PIK3C2G: variants seen among roughly 807,000 people sequenced by gnomAD.
The protein encoded by PIK3C2G is phosphatidylinositol-4-phosphate 3-kinase catalytic subunit type 2 gamma, also known as phosphatidylinositol 3-kinase C2 domain-containing subunit gamma.
PIK3C2G carries 168 observed loss-of-function variants against 181.1 expected under a neutral mutation model. The observed-to-expected ratio is 0.93, with a 90% CI of 0.82 to 1.05. PIK3C2G has a LOEUF of 1.05. Among genes scored for constraint, PIK3C2G ranks in the 50% least tolerant of loss-of-function variants. The probability of loss-of-function intolerance (pLI) is 0.00; values close to 1 mark genes in which losing one functional copy is unlikely to be tolerated. For missense variants in PIK3C2G, 1,869 were observed against 1,732.8 expected, an observed-to-expected ratio of 1.08 and a Z score of -1.40; for synonymous variants, 573 against 592.2, an observed-to-expected ratio of 0.97 and a Z score of 0.47.
At chr12:18,679,919 A>T in the PIK3C2G span, among the ~76,000 whole-genome samples, 5 of 152,014 alleles carry the variant, frequency 3.3e-5, no homozygotes, top group Admixed American at 3.3e-4. Flanking sequence ...ATCAGTTCAA[A>T]TCCACTTCAA....
At position 18,401,763 on chromosome 12, in the gene PIK3C2G, G is replaced by T. The variant is rs371024163; in HGVS notation, c.2315+1916G>T. On this transcript the variant is annotated intron_variant, in intron 16 of 32. Coordinates refer to ENST00000538779, the MANE Select transcript of PIK3C2G (RefSeq NM_001288772.2). The stretch of plus-strand genomic sequence containing the variant: ...ATGCCGAACATTTACATGAAAATAT[G>T]CTCAATATCATTAGCCATTAAGGAA... Among the ~76,000 whole-genome samples the T allele has an allele frequency of 5.3e-5, 8 of 152,192 alleles. No homozygotes were observed. In the South Asian group the frequency reaches 1.7e-3, roughly 32 times the overall value.
intron 1 of PIK3C2G, among the ~76,000 whole-genome samples, chr12:18,251,004 T>A (rs1434832389): frequency 6.6e-6 from 1 of 151,968 alleles, no homozygotes; most frequent in Non-Finnish European, 1.5e-5. Flanking sequence ...ATTTAATAAG[T>A]GTATGGGGAA....
At chr12:18,667,969 C>T in the PIK3C2G span, among the ~76,000 whole-genome samples, 1 of 151,736 alleles carries the variant, frequency 6.6e-6, no homozygotes, top group Non-Finnish European at 1.5e-5. Context: ...GGAGAAGCAA[C>T]AACAACAAAA....
In PIK3C2G at chr12:18,483,657, G is replaced by T. The variant is rs149404382; in HGVS notation, c.2505-4792G>T. On this transcript the variant is annotated intron_variant, in intron 18 of 32. Transcript: ENST00000538779. ...TTGTTTATTTTCAGTAATTAGATTT[G>T]CCCCAAAATATCCTCAGGGATACCC... Among the ~76,000 whole-genome samples, 167 of 150,912 alleles carry T rather than the reference G, an allele frequency of 1.1e-3. 1 individual carries two copies. The highest frequency in any genetic ancestry group is 3.9e-3 in the African/African-American group (159 of 41,038).
intron 30 of PIK3C2G, among the ~76,000 whole-genome samples, chr12:18,595,664 C>A (rs561333583): frequency 1.3e-5 from 2 of 152,214 alleles, no homozygotes; most frequent in East Asian, 3.9e-4. Context: ...TCTGATTGCC[C>A]TTAGGCAGGG....
chr12:18,459,745 T>C (rs1592314193), intron 18 of PIK3C2G, among the ~76,000 whole-genome samples: 1 of 152,172 alleles, frequency 6.6e-6, no homozygotes. Context: ...GTTATTATAC[T>C]ACATCAAATG....
intron 5 of PIK3C2G, among the ~76,000 whole-genome samples, chr12:18,303,182 TCTC>T (rs1337041957): frequency 6.7e-6 from 1 of 149,034 alleles, no homozygotes; most frequent in African/African-American, 2.5e-5. Flanking sequence ...TCTCTTTCTC[TCTC>T]TTCTTTCTTT....
At chr12:18,363,115 G>C (rs1179129938) in intron 12 of PIK3C2G, 1 of 332,180 alleles carries the variant, frequency 3.0e-6, no homozygotes, top group Non-Finnish European at 5.4e-6. Flanking sequence ...ATTGAACTGA[G>C]AAAAAGGGAA....
chr12:18,650,698 G>GTA (rs1950434780), downstream of PIK3C2G, among the ~76,000 whole-genome samples: 3 of 29,108 alleles, frequency 1.0e-4, no homozygotes, highest in African/African-American at 1.3e-4. Flanking sequence ...GTGTGTGTGT[G>GTA]TGTGTGTATA....
upstream of PIK3C2G, among the ~76,000 whole-genome samples, chr12:18,245,056 A>G (rs1948025283): frequency 6.6e-6 from 1 of 152,122 alleles, no homozygotes. Flanking sequence ...GTGAAGATCA[A>G]ATGATAAAGC....
chr12:18,282,527 C>T lies in PIK3C2G; in HGVS notation c.446C>T (p.Thr149Ile). The change falls in exon 2 of 33, where the codon ACA becomes ATA. Residue 149 changes from threonine (T) to isoleucine (I), a missense_variant. Transcript: ENST00000538779. ...TTCAGTATTTTAGCTCCATCATTCA[C>T]AAGTTTGGATAAAATTAATCTAGAG... The part of the protein sequence containing the change: ...SRFSILAPSF[T>I]SLDKINLEKE... 2 of 1,611,010 alleles carry T rather than the reference C, an allele frequency of 1.2e-6. No homozygotes were observed. Among genetic ancestry groups the T allele is most frequent in the Non-Finnish European group, 1.7e-6 (2 of 1,177,720 alleles).
chr12:18,470,180 G>A (rs941818754), intron 18 of PIK3C2G, among the ~76,000 whole-genome samples: 8 of 152,180 alleles, frequency 5.3e-5, no homozygotes, highest in Non-Finnish European at 1.2e-4. Flanking sequence ...TATCATGAGT[G>A]AAGGTATGTG....
At chr12:18,673,313 TAA>T in the PIK3C2G span, among the ~76,000 whole-genome samples, 3 of 152,226 alleles carry the variant, frequency 2.0e-5, no homozygotes, top group East Asian at 1.9e-4. Flanking sequence ...AAATAGTATA[TAA>T]GTTATTGAAA....
chr12:18,536,888 T>A (rs894014765), intron 24 of PIK3C2G, among the ~76,000 whole-genome samples: 1 of 152,124 alleles, frequency 6.6e-6, no homozygotes, highest in Non-Finnish European at 1.5e-5. Flanking sequence ...ATGTGCTCAA[T>A]AAATTTTGTT....
At chr12:18,453,498 G>T (rs149883229) in intron 18 of PIK3C2G, among the ~76,000 whole-genome samples, 2 of 152,026 alleles carry the variant, frequency 1.3e-5, no homozygotes, top group African/African-American at 4.8e-5. Context: ...CCTCTTAGGA[G>T]TATGTGATGA....
the PIK3C2G span, chr12:18,693,679 T>C: frequency 6.4e-7 from 1 of 1,566,152 alleles, no homozygotes; most frequent in Non-Finnish European, 8.8e-7. Context: ...ATTCTGGTGG[T>C]GAGAGAGAAA....
In PIK3C2G at chr12:18,546,364, C is replaced by A; in HGVS notation, c.3522C>A (p.Asp1174Glu). ...AGLPELSGIQ[D>E]LKYVYNNLRP... ...TGCCTGAGCTAAGTGGAATTCAAGA[C>A]CTGAAATATGTGTATAATAATCTTC... The change falls in exon 26 of 33, where the codon GAC becomes GAA. Residue 1174 changes from aspartate (D) to glutamate (E), a missense_variant. Physicochemically the swap from Asp to Glu is conservative, Grantham distance 45. Transcript: ENST00000538779. 1 of 1,601,750 alleles carries A rather than the reference C, an allele frequency of 6.2e-7. No homozygotes were observed. Among genetic ancestry groups the A allele is most frequent in the African/African-American group, 1.3e-5 (1 of 74,738 alleles).
At chr12:18,285,346 A>G (rs1949397472) in intron 2 of PIK3C2G, 2 of 152,186 alleles carry the variant, frequency 1.3e-5, no homozygotes, top group Non-Finnish European at 2.9e-5. Context: ...TAGCAGGCAC[A>G]TGAGAAATGC....
Position 18,503,415 on chromosome 12 carries a change from A to G in PIK3C2G, c.3151A>G (p.Lys1051Glu). The change falls in exon 23 of 33, where the codon AAG (lysine) becomes GAG (glutamate). Residue 1051 changes from lysine (K) to glutamate (E), a missense_variant and splice_region_variant. Lys to Glu is a moderately conservative substitution (Grantham distance 56). Transcript: ENST00000538779. Reference protein sequence around the residue: ...QHNHLKADYEKALRNFFYSCA... With the variant: ...QHNHLKADYEEALRNFFYSCA... ...CAACCACTTAAAGGCAGATTATGAA[A>G]AGGTTTGTCCTGTTGCAGATCATTT... The G allele has an allele frequency of 1.2e-6, 2 of 1,600,522 alleles. No individual in the cohort carries two copies. Among genetic ancestry groups the G allele is most frequent in the South Asian group, 1.1e-5 (1 of 88,948 alleles).
Sources: gnomAD v4.1 joint callset for allele counts (sites outside exome capture counted in the v4.1 genomes callset) on GRCh38, gnomAD v4.1.1 for gene constraint, MANE v1.5 for transcripts, NCBI Gene and HGNC (gene_info 2026-07-23, HGNC 2026-07-21) for gene names.